The following CIC variants were observed in gnomAD, a reference collection of about 807,000 sequenced individuals.
The protein encoded by CIC is protein capicua homolog.
CIC carries 18 observed loss-of-function variants against 115.7 expected under a neutral mutation model. That is an observed-to-expected ratio of 0.16 (90% CI 0.11 to 0.23). The LOEUF is 0.23. Among genes scored for constraint, CIC ranks in the 10% least tolerant of loss-of-function variants. The pLI is 1.00. For missense variants in CIC, 2,000 were observed against 2,159.3 expected (o/e 0.93, Z 1.46); for synonymous variants, 1,076 against 923.0 (o/e 1.17, Z -3.01).
In CIC at chr19:42,292,354, T is replaced by G. The variant is rs2038191806; in HGVS notation, c.5790T>G (p.Pro1930=). The change falls in exon 14 of 21, where the codon CCT becomes CCG. Residue 1930 remains proline, a synonymous_variant. Transcript: ENST00000681038. ...GGHALPLGTS[P]ASSQAGTVTS... ...ACGCGCTGCCCCTGGGTACCAGCCC[T>G]GCGTCCAGCCAGGCTGGAACAGTCA... 1 of 1,612,942 alleles carries G rather than the reference T, an allele frequency of 6.2e-7. No individual in the cohort carries two copies. Among genetic ancestry groups the G allele is most frequent in the Non-Finnish European group, 8.5e-7 (1 of 1,179,866 alleles).
At position 42,274,096 on chromosome 19, in the gene CIC, G is replaced by A. The variant is rs2036879668; in HGVS notation, c.2313G>A (p.Val771=). The A allele has an allele frequency of 1.2e-5, 5 of 400,176 alleles. No individual in the cohort carries two copies. The highest frequency in any genetic ancestry group is 2.2e-5 in the Non-Finnish European group (5 of 227,122). 24.8% of individuals were successfully genotyped at this position (400,176 alleles called of 1,614,324 possible). A position where few individuals can be genotyped will look rare whatever the true frequency, so the allele number is the denominator to read the frequency against. ...GCTTCCGGGCCGTGTCCCCTGCTGT[G>A]CCCTTCTCTCGCTCCCGCCAGCCCT... ...PAGFRAVSPA[V]PFSRSRQPSP... Residue 771 remains valine, a synonymous_variant, in exon 2 of 21, where the codon GTG becomes GTA. Transcript: ENST00000681038.
Position 42,287,992 on chromosome 19 carries a change from G to A in CIC, c.3658+17G>A, listed in dbSNP as rs2037776475. 2.5e-6 allele frequency: 4 copies of A among 1,576,378 alleles called. No homozygotes were observed. The highest frequency in any genetic ancestry group is 3.4e-6 in the Non-Finnish European group (4 of 1,161,526). ...CCCCTGGGGGTTAGTCAGCCCCTTG[G>A]CTCTCCCACCCTGCCACCTCCCTCC... On this transcript the variant is annotated intron_variant, in intron 7 of 20. Coordinates refer to ENST00000681038, the MANE Select transcript of CIC (RefSeq NM_001386298.1). The surrounding 1 kb of genome is among the most constrained non-coding windows in gnomAD (Gnocchi z 8.7).
intron 12 of CIC, among the ~76,000 whole-genome samples, 161 bp from the exon 13 acceptor site, chr19:42,291,925 T>A (rs575487890): frequency 6.6e-6 from 1 of 152,160 alleles, no homozygotes; most frequent in Non-Finnish European, 1.5e-5. Context: ...CCCTCCTCCT[T>A]CTCTGTGTCC....
intron 2 of CIC, among the ~76,000 whole-genome samples, chr19:42,276,187 C>T (rs2036969946): frequency 6.6e-6 from 1 of 152,192 alleles, no homozygotes; most frequent in Non-Finnish European, 1.5e-5. Flanking sequence ...AAGGCAAAAG[C>T]AGATATTTGT....
In CIC at chr19:42,293,643, C is replaced by G. The variant is rs776347592; in HGVS notation, c.6574C>G (p.Leu2192Val). 1 of 1,613,406 alleles carries G rather than the reference C, an allele frequency of 6.2e-7. No homozygotes were observed. The highest frequency in any genetic ancestry group is 8.5e-7 in the Non-Finnish European group (1 of 1,179,946). ...AGACTGGCGCGTCCCTGGGCAGGGC[C>G]TGGAGAATCGTGGGGAGCCTCCCAC... is the stretch of plus-strand genomic sequence containing the variant. ...SSDWRVPGQG[L>V]ENRGEPPTPP... Residue 2192 changes from leucine (L) to valine (V), a missense_variant, in exon 17 of 21, where the codon CTG becomes GTG. Leu to Val is a conservative substitution (Grantham distance 32, BLOSUM62 1). Around this residue, in one of 8 missense-constraint regions of CIC, gnomAD observed 1,466 missense variants for 1,390.4 expected, o/e 1.05. Transcript: ENST00000681038.
chr19:42,281,481 G>A (rs2037248209), intron 2 of CIC, among the ~76,000 whole-genome samples: 2 of 152,324 alleles, frequency 1.3e-5, no homozygotes, highest in African/African-American at 2.4e-5. Context: ...TCCTTCTGTG[G>A]AGTTGGTTAG....
At position 42,287,040 on chromosome 19, in the gene CIC, G is replaced by C. The variant is rs1322150909; in HGVS notation, c.2979G>C (p.Arg993=). Residue 993 remains arginine (R), a synonymous_variant, in exon 4 of 21, where the codon CGG becomes CGC. Transcript: ENST00000681038. The surrounding 1 kb of genome is among the most constrained non-coding windows in gnomAD (Gnocchi z 8.7). ...PAESAAVAHE[R]PPGGTGSADP... ...AGTCGGCAGCTGTTGCTCATGAACGGCCACCAGGTGGGACAGGGAGTGCTG... is the reference window on the plus strand; with the variant it reads ...AGTCGGCAGCTGTTGCTCATGAACGCCCACCAGGTGGGACAGGGAGTGCTG... 2 of 1,611,464 alleles carry C rather than the reference G, an allele frequency of 1.2e-6. No individual in the cohort carries two copies. Among genetic ancestry groups the C allele is most frequent in the Admixed American group, 3.3e-5 (2 of 60,006 alleles).
Position 42,290,745 on chromosome 19 carries a change from C to A in CIC, c.4704C>A (p.Ala1568=). 6.2e-7 allele frequency: 1 copy of A among 1,612,434 alleles called. No individual in the cohort carries two copies. The highest frequency in any genetic ancestry group is 8.5e-7 in the Non-Finnish European group (1 of 1,179,712). ...SAPAPSLAYG[A]PAAPLSRPAA... Reference sequence around the variant, plus strand: ...CCGCCCCATCACTGGCCTATGGGGCCCCAGCAGCTCCCCTGTCCCGTCCTG... The same window carrying A: ...CCGCCCCATCACTGGCCTATGGGGCACCAGCAGCTCCCCTGTCCCGTCCTG... The change falls in exon 11 of 21, where the codon GCC becomes GCA. Residue 1568 remains alanine, a synonymous_variant. Coordinates refer to ENST00000681038, the MANE Select transcript of CIC (RefSeq NM_001386298.1).
intron 2 of CIC, among the ~76,000 whole-genome samples, chr19:42,282,837 CAGTA>C (rs1476320762): frequency 1.4e-5 from 2 of 138,804 alleles, no homozygotes; most frequent in Non-Finnish European, 3.0e-5. Flanking sequence ...ACAGCAGCCC[CAGTA>C]AGTGTTAGTT....
intron 7 of CIC, 152 bp from the exon 8 acceptor site, chr19:42,288,736 G>A: frequency 1.4e-6 from 1 of 737,182 alleles, no homozygotes; most frequent in South Asian, 1.5e-5. Context: ...TGCTGGACTG[G>A]TGGTGGGTGG....
At position 42,286,888 on chromosome 19, in the gene CIC, C is replaced by G; in HGVS notation, c.2912C>G (p.Ala971Gly). The G allele has an allele frequency of 6.2e-7, 1 of 1,612,170 alleles. No homozygotes were observed. The highest frequency in any genetic ancestry group is 8.5e-7 in the Non-Finnish European group (1 of 1,179,658). The part of the protein sequence containing the change: ...SVQPSEAQQP[A>G]SHPVASNQSK... ...CAGCCGAGCGAGGCCCAGCAACCTG[C>G]CAGCCACCCAGTGGCCTCCAACCAG... Residue 971 changes from alanine to glycine, a missense_variant, in exon 3 of 21, where the codon GCC (alanine) becomes GGC (glycine). By Grantham distance (60) the Ala-to-Gly change is moderately conservative. Transcript: ENST00000681038.
rs2038341264 is a variant in CIC at position 42,293,977 on chromosome 19, G to A, written c.6810G>A (p.Glu2270=). The A allele has an allele frequency of 6.2e-7, 1 of 1,613,488 alleles. No individual in the cohort carries two copies. The highest frequency in any genetic ancestry group is 1.3e-5 in the African/African-American group (1 of 74,906). ...SEVDFEERFA[E]LPEFRPEEVL... ...TGGACTTCGAAGAGCGCTTTGCTGAGTTGCCTGAGTTTCGGCCTGAGGAGG... is the reference window on the plus strand; with the variant it reads ...TGGACTTCGAAGAGCGCTTTGCTGAATTGCCTGAGTTTCGGCCTGAGGAGG... The change falls in exon 18 of 21, where the codon GAG becomes GAA. Residue 2270 remains glutamate, a synonymous_variant. Coordinates refer to ENST00000681038, the MANE Select transcript of CIC (RefSeq NM_001386298.1).
In CIC at chr19:42,294,188, C is replaced by T; in HGVS notation, c.6938C>T (p.Pro2313Leu). The change falls in exon 19 of 21, where the codon CCC becomes CTC. Residue 2313 changes from proline to leucine, a missense_variant. Physicochemically the swap from Pro to Leu is moderately conservative, Grantham distance 98. Transcript: ENST00000681038. ...GTTTGGCCAGACCTGGATTCAGCAC[C>T]CGAGGACCCCACCTCGCCCAAGCGC... The part of the protein sequence containing the change: ...RKNSTDLDSA[P>L]EDPTSPKRKM... 1 of 1,613,874 alleles carries T rather than the reference C, an allele frequency of 6.2e-7. No homozygotes were observed. Among genetic ancestry groups the T allele is most frequent in the Non-Finnish European group, 8.5e-7 (1 of 1,180,018 alleles).
At chr19:42,292,906 G>C in intron 15 of CIC, 47 bp downstream of exon 15, 1 of 1,613,956 alleles carries the variant, frequency 6.2e-7, no homozygotes, top group Non-Finnish European at 8.5e-7. Context: ...GGGACCCAGG[G>C]GATGGGCTCC....
intron 11 of CIC, 32 bp downstream of exon 11, chr19:42,291,498 GGGCCATA>G (rs773737903): frequency 3.7e-6 from 6 of 1,613,116 alleles, no homozygotes; most frequent in Non-Finnish European, 5.1e-6. Context: ...ACTAGGGGAG[GGGCCATA>G]GTCCTGTTTG....
In CIC at chr19:42,294,199, A is replaced by G. The variant is rs199987195; in HGVS notation, c.6949A>G (p.Thr2317Ala). Reference sequence around the variant, plus strand: ...CCTGGATTCAGCACCCGAGGACCCCACCTCGCCCAAGCGCAAGATGAGAAG... The same window carrying G: ...CCTGGATTCAGCACCCGAGGACCCCGCCTCGCCCAAGCGCAAGATGAGAAG... ...TDLDSAPEDP[T>A]SPKRKMRRRS... The change falls in exon 19 of 21, where the codon ACC (threonine) becomes GCC (alanine). Residue 2317 changes from threonine to alanine, a missense_variant. Thr to Ala is a moderately conservative substitution (Grantham distance 58). Coordinates refer to ENST00000681038, the MANE Select transcript of CIC (RefSeq NM_001386298.1). The G allele has an allele frequency of 4.3e-6, 7 of 1,613,694 alleles. No homozygotes were observed. The East Asian group carries it at 1.3e-4, about 31-fold the overall frequency.
rs1437459102 is a variant in CIC at position 42,280,312 on chromosome 19, C to G, written c.2794+5735C>G. 1 of 152,194 alleles carries G rather than the reference C, an allele frequency of 6.6e-6. No individual in the cohort carries two copies. Among genetic ancestry groups the G allele is most frequent in the African/African-American group, 2.4e-5 (1 of 41,436 alleles). The allele number at this position is 152,194 out of a possible 1,614,324, so 9.4% of individuals were successfully genotyped here. The stretch of plus-strand genomic sequence containing the variant: ...CCTCGCGGCTGCAAGATGCTATCCC[C>G]CCTCTGAGCCTGTTTCTTGCGAAGT... On this transcript the variant is annotated intron_variant, in intron 2 of 20. Coordinates refer to ENST00000681038, the MANE Select transcript of CIC (RefSeq NM_001386298.1). The surrounding 1 kb of genome is among the most constrained non-coding windows in gnomAD (Gnocchi z 4.9).
At chr19:42,292,268 C>G in intron 13 of CIC, 32 bp from the exon 14 acceptor site, 4 of 1,613,654 alleles carry the variant, frequency 2.5e-6, no homozygotes, top group Non-Finnish European at 3.4e-6. Context: ...GCCGGCTTAC[C>G]TCACTCCTCC....
intron 2 of CIC, among the ~76,000 whole-genome samples, chr19:42,286,088 G>A (rs1256120044): frequency 6.6e-6 from 1 of 152,164 alleles, no homozygotes; most frequent in African/African-American, 2.4e-5. Flanking sequence ...AGGCTGGGAG[G>A]CCGATTTCTG....
Sources: allele counts gnomAD v4.1 joint callset (sites outside exome capture counted in the v4.1 genomes callset), GRCh38; gene constraint gnomAD v4.1.1; regional missense constraint gnomAD v4.1.1; non-coding constraint Gnocchi (gnomAD v3.1); transcripts MANE v1.5; gene names NCBI Gene and HGNC (gene_info 2026-07-23, HGNC 2026-07-21).